BTN3A3: variants seen among roughly 807,000 people sequenced by gnomAD.
BTN3A3 encodes butyrophilin subfamily 3 member A3.
A neutral mutation model predicts 43.2 loss-of-function variants in BTN3A3; 39 were observed. The ratio of observed to expected loss-of-function variants is 0.90; its 90% CI spans 0.70 to 1.18. The LOEUF (loss-of-function observed/expected upper bound fraction) is 1.18, where lower values mean the gene tolerates loss of function less well. BTN3A3 is among the 50% of genes most tolerant of loss of function. The pLI is 0.00. For missense variants in BTN3A3, 631 were observed against 722.8 expected, an observed-to-expected ratio of 0.87 and a Z score of 1.46; for synonymous variants, 255 against 272.7, an observed-to-expected ratio of 0.93 and a Z score of 0.64.
At chr6:26,442,412 G>A (rs1033114524) in intron 1 of BTN3A3, among the ~76,000 whole-genome samples, 4 of 152,194 alleles carry the variant, frequency 2.6e-5, no homozygotes, top group African/African-American at 7.2e-5. Flanking sequence ...CTTCAGTTTA[G>A]CATGCATCTT....
At chr6:26,442,112 T>C (rs1379236777) in intron 1 of BTN3A3, among the ~76,000 whole-genome samples, 1 of 152,154 alleles carries the variant, frequency 6.6e-6, no homozygotes, top group Non-Finnish European at 1.5e-5. Context: ...GTGCTTTCTC[T>C]TCATCCCTCC....
At chr6:26,450,508 T>A (rs1233110791) in intron 10 of BTN3A3, among the ~76,000 whole-genome samples, 1 of 152,234 alleles carries the variant, frequency 6.6e-6, no homozygotes, top group South Asian at 2.1e-4. Context: ...TCATGCCCCC[T>A]ACTGCCTGTG....
At position 26,453,033 on chromosome 6, in the gene BTN3A3, C is replaced by G. The variant is rs1163431773; in HGVS notation, c.*622C>G. The G allele has an allele frequency of 6.5e-6, 1 of 152,680 alleles. No homozygotes were observed. The highest frequency in any genetic ancestry group is 1.5e-5 in the Non-Finnish European group (1 of 68,414). The allele number at this position is 152,680 out of a possible 1,614,324, so 9.5% of individuals were successfully genotyped here. On this transcript the variant is annotated 3_prime_UTR_variant, in exon 11 of 11. Transcript: ENST00000244519. ...ACTTGGAAAGAGACTAGAGGCCACA[C>G]TTGATAAATCATGGGGCACAGATAT... is the stretch of plus-strand genomic sequence containing the variant.
At chr6:26,448,659 G>A (rs774966635) in intron 7 of BTN3A3, 22 bp downstream of exon 7, 1 of 1,613,944 alleles carries the variant, frequency 6.2e-7, no homozygotes, top group Non-Finnish European at 8.5e-7. Flanking sequence ...TTCCCCAGGA[G>A]ACCCAGGCAT....
In BTN3A3 at chr6:26,443,573, A is replaced by G. The variant is rs1483051099; in HGVS notation, c.-2A>G. ...TCTGGTATCTCTTGATATGCAGCATAGATGAAAATGGCAAGTTCCCTGGCT... is the reference window on the plus strand; with the variant it reads ...TCTGGTATCTCTTGATATGCAGCATGGATGAAAATGGCAAGTTCCCTGGCT... On this transcript the variant is annotated 5_prime_UTR_variant, in exon 3 of 11. In the 5' UTR this introduces an upstream ATG that the reference lacks. Transcript: ENST00000244519. 6.2e-7 allele frequency: 1 copy of G among 1,614,058 alleles called. No individual in the cohort carries two copies. Among genetic ancestry groups the G allele is most frequent in the African/African-American group, 1.3e-5 (1 of 74,926 alleles).
At chr6:26,449,817 A>G (rs1762880242) in intron 9 of BTN3A3, 129 bp downstream of exon 9, 3 of 1,237,536 alleles carry the variant, frequency 2.4e-6, no homozygotes, top group Non-Finnish European at 3.5e-6. Flanking sequence ...TCAATTTTGC[A>G]TGGTAGGGGG....
intron 5 of BTN3A3, among the ~76,000 whole-genome samples, chr6:26,447,178 C>G (rs1199395909): frequency 2.6e-5 from 4 of 152,128 alleles, no homozygotes; most frequent in African/African-American, 9.7e-5. Context: ...GGAAAGATCT[C>G]CAAGACACAC....
intron 4 of BTN3A3, chr6:26,445,494 T>G: frequency 1.7e-6 from 1 of 604,644 alleles, no homozygotes. Flanking sequence ...CCTCTGGTAA[T>G]TGGGGTGGAT....
rs1259758496 is a variant in BTN3A3 at position 26,448,797 on chromosome 6, T to C, written c.964+43T>C. 3 of 1,611,808 alleles carry C rather than the reference T, an allele frequency of 1.9e-6. No individual in the cohort carries two copies. In the South Asian group the frequency reaches 3.3e-5, roughly 18 times the overall value. On this transcript the variant is annotated intron_variant, in intron 8 of 10. Coordinates refer to ENST00000244519, the MANE Select transcript of BTN3A3 (RefSeq NM_006994.5). ...TTTCTCTGAATTTGAATCTTGAATC[T>C]ATGACTCTCTTCTGCTTGGAAATTT... is the stretch of plus-strand genomic sequence containing the variant.
chr6:26,445,335 G>A (rs532255138), intron 4 of BTN3A3: 1 of 235,570 alleles, frequency 4.2e-6, no homozygotes, highest in African/African-American at 2.2e-5. Flanking sequence ...AGAGAAAAGG[G>A]AGAGGTCTGG....
At chr6:26,445,545 G>A in intron 4 of BTN3A3, 159 bp from the exon 5 acceptor site, 2 of 863,100 alleles carry the variant, frequency 2.3e-6, no homozygotes, top group Non-Finnish European at 3.5e-6. Flanking sequence ...TACTGCACTA[G>A]CCCATTTAGT....
At chr6:26,446,483 G>A (rs1484872516) in intron 5 of BTN3A3, among the ~76,000 whole-genome samples, 1 of 152,152 alleles carries the variant, frequency 6.6e-6, no homozygotes, top group Non-Finnish European at 1.5e-5. Context: ...TTTCACTTAT[G>A]ATATTAGCAA....
chr6:26,441,507 T>G (rs1186429014), intron 1 of BTN3A3, among the ~76,000 whole-genome samples: 1 of 152,150 alleles, frequency 6.6e-6, no homozygotes, highest in African/African-American at 2.4e-5. Flanking sequence ...CTTTTTTTTT[T>G]GCCTCAACAA....
At chr6:26,446,965 T>C (rs945860512) in intron 5 of BTN3A3, among the ~76,000 whole-genome samples, 2 of 152,068 alleles carry the variant, frequency 1.3e-5, no homozygotes, top group East Asian at 1.9e-4. Flanking sequence ...CAGACCCCAA[T>C]TGATCCGCCT....
chr6:26,452,183 G>A lies in BTN3A3; in HGVS notation c.1527G>A (p.Leu509=). The A allele has an allele frequency of 6.2e-7, 1 of 1,614,058 alleles. No homozygotes were observed. The highest frequency in any genetic ancestry group is 2.2e-5 in the East Asian group (1 of 44,870). Residue 509 remains leucine (L), a synonymous_variant, in exon 11 of 11, where the codon CTG becomes CTA. Transcript: ENST00000244519. ...TTTTGACCTTGGAGCCCACTGCCCT[G>A]ACCATTTGCCCAATACCAAAAGAAG... The part of the protein sequence containing the change: ...FRILTLEPTA[L]TICPIPKEVE...
At chr6:26,447,122 G>T (rs1480478584) in intron 5 of BTN3A3, among the ~76,000 whole-genome samples, 1 of 152,116 alleles carries the variant, frequency 6.6e-6, no homozygotes, top group Non-Finnish European at 1.5e-5. Flanking sequence ...AGGGAATACT[G>T]CCCAACTGTG....
chr6:26,444,845 A>C (rs1762733669), intron 4 of BTN3A3: 2 of 192,918 alleles, frequency 1.0e-5, no homozygotes, highest in South Asian at 9.5e-5. Context: ...GATTTATTTT[A>C]CAATTTGGGC....
rs1054358672 is a variant in BTN3A3 at position 26,443,439 on chromosome 6, A to G, written c.-9A>G. On this transcript the variant is annotated 5_prime_UTR_variant, in exon 2 of 11. Coordinates refer to ENST00000244519, the MANE Select transcript of BTN3A3 (RefSeq NM_006994.5). Reference sequence around the variant, plus strand: ...ACACTCAAGGACAGACATTTTTGGCAGAGGTAAGATCTTCTTTGGTCACCA... The same window carrying G: ...ACACTCAAGGACAGACATTTTTGGCGGAGGTAAGATCTTCTTTGGTCACCA... 2 of 1,486,592 alleles carry G rather than the reference A, an allele frequency of 1.3e-6. No individual in the cohort carries two copies. Among genetic ancestry groups the G allele is most frequent in the Non-Finnish European group, 1.8e-6 (2 of 1,116,694 alleles). 92.1% of individuals were successfully genotyped at this position (1,486,592 alleles called of 1,614,324 possible). A position where few individuals can be genotyped will look rare whatever the true frequency, so the allele number is the denominator to read the frequency against.
At chr6:26,448,668 A>T (rs768047545) in intron 7 of BTN3A3, 31 bp downstream of exon 7, 1 of 1,613,954 alleles carries the variant, frequency 6.2e-7, no homozygotes, top group Non-Finnish European at 8.5e-7. Flanking sequence ...AGACCCAGGC[A>T]TGTCTTCTTA....
Sources: allele counts gnomAD v4.1 joint callset (sites outside exome capture counted in the v4.1 genomes callset), GRCh38; gene constraint gnomAD v4.1.1; transcripts MANE v1.5; gene names NCBI Gene and HGNC (gene_info 2026-07-23, HGNC 2026-07-21).